Variants in BCL2L1 observed in about 807,000 individuals in gnomAD.
BCL2L1 encodes bcl-2-like protein 1.
A neutral mutation model predicts 18.7 loss-of-function variants in BCL2L1; 1 was observed. The ratio of observed to expected loss-of-function variants is 0.05; its 90% CI spans 0.02 to 0.25. The LOEUF is 0.25. Ranked by LOEUF, BCL2L1 falls within the 10% of genes least tolerant of loss-of-function variation. The pLI, the probability that BCL2L1 is intolerant of heterozygous loss-of-function variation, is 1.00. For synonymous variants in BCL2L1, 103 were observed against 122.7 expected (o/e 0.84, Z 1.06); for missense variants, 207 against 304.9 (o/e 0.68, Z 2.39).
chr20:31,682,092 G>A (rs549730572), intron 2 of BCL2L1, among the ~76,000 whole-genome samples: 124 of 152,370 alleles, frequency 8.1e-4, no homozygotes, highest in African/African-American at 2.7e-3. Flanking sequence ...CAGAGCTGCC[G>A]TTGTCCAGGG....
intron 2 of BCL2L1, among the ~76,000 whole-genome samples, chr20:31,689,833 T>C (rs2061030187): frequency 6.6e-6 from 1 of 152,000 alleles, no homozygotes. Context: ...CTGACCAACA[T>C]GGAGAAATCC....
rs915000748 is a variant in BCL2L1 at position 31,695,135 on chromosome 20, C to CT, written c.564+26519dup. Among the ~76,000 whole-genome samples, 13 of 152,224 alleles carry CT rather than the reference C, an allele frequency of 8.5e-5. 1 individual carries two copies. The highest frequency in any genetic ancestry group is 3.1e-4 in the African/African-American group (13 of 41,454). ...CCAACCTTCAAATTGTATTGAAGCT[C>CT]TGACCACTGCTCGCCACTTCCACCA... On this transcript the variant is annotated intron_variant, in intron 2 of 2. Transcript: ENST00000307677.
chr20:31,719,786 C>A (rs767778069), intron 2 of BCL2L1, among the ~76,000 whole-genome samples: 1 of 152,186 alleles, frequency 6.6e-6, no homozygotes. Context: ...AGACCAGGCA[C>A]CTCTCCCAGA....
At chr20:31,691,590 C>T (rs564575483) in intron 2 of BCL2L1, among the ~76,000 whole-genome samples, 3 of 149,848 alleles carry the variant, frequency 2.0e-5, no homozygotes, top group East Asian at 1.9e-4. Flanking sequence ...TGGTGGCGCC[C>T]GGCGAACAAA....
At chr20:31,674,874 C>CAAAA (rs11372425) in intron 2 of BCL2L1, among the ~76,000 whole-genome samples, 2 of 74,750 alleles carry the variant, frequency 2.7e-5, no homozygotes, top group African/African-American at 4.2e-5. Flanking sequence ...GACCCCGTCT[C>CAAAA]AAAAAAAAAA....
In BCL2L1 at chr20:31,682,978, T is replaced by G. The variant is rs571255022; in HGVS notation, c.565-16892A>C. 3.9e-5 allele frequency among the ~76,000 whole-genome samples: 6 copies of G among 152,224 alleles called. No individual in the cohort carries two copies. The South Asian group carries it at 8.3e-4, about 21-fold the overall frequency. Reference sequence around the variant, plus strand: ...ACTGCTATTATTTGGTCCAAGCCAGTATCATTTCTTGCCTGTATTGTCCTA... The same window carrying G: ...ACTGCTATTATTTGGTCCAAGCCAGGATCATTTCTTGCCTGTATTGTCCTA... On this transcript the variant is annotated intron_variant, in intron 2 of 2. Coordinates refer to ENST00000307677, the MANE Select transcript of BCL2L1 (RefSeq NM_138578.3).
In BCL2L1 at chr20:31,689,032, C is replaced by A. The variant is rs1029506606; in HGVS notation, c.565-22946G>T. Reference sequence around the variant, plus strand: ...AGGATCCATGATGAGGTTCCTCTATCCTCTGGGTTAAGTCTGTCCAGGTAA... The same window carrying A: ...AGGATCCATGATGAGGTTCCTCTATACTCTGGGTTAAGTCTGTCCAGGTAA... On this transcript the variant is annotated intron_variant, in intron 2 of 2. Coordinates refer to ENST00000307677, the MANE Select transcript of BCL2L1 (RefSeq NM_138578.3). 5.9e-5 allele frequency among the ~76,000 whole-genome samples: 9 copies of A among 151,626 alleles called. No homozygotes were observed. The South Asian group carries it at 6.3e-4, about 11-fold the overall frequency.
At chr20:31,704,772 G>A (rs369413515) in intron 2 of BCL2L1, among the ~76,000 whole-genome samples, 14 of 152,280 alleles carry the variant, frequency 9.2e-5, no homozygotes, top group South Asian at 6.2e-4. Flanking sequence ...CCAATCTTCC[G>A]TTTACACAGG....
At position 31,665,872 on chromosome 20, in the gene BCL2L1, T is replaced by C; in HGVS notation, c.*77A>G. The C allele has an allele frequency of 6.4e-7, 1 of 1,562,144 alleles. No homozygotes were observed. Among genetic ancestry groups the C allele is most frequent in the African/African-American group, 1.3e-5 (1 of 74,118 alleles). On this transcript the variant is annotated 3_prime_UTR_variant, in exon 3 of 3. Coordinates refer to ENST00000307677, the MANE Select transcript of BCL2L1 (RefSeq NM_138578.3). ...GGGCTGCATGTAGTGGTTCTCCTGG[T>C]GGCAATGGCGGCTGGACGGAGGATG...
chr20:31,695,439 T>A (rs1306723974), intron 2 of BCL2L1, among the ~76,000 whole-genome samples: 1 of 152,258 alleles, frequency 6.6e-6, no homozygotes, highest in Non-Finnish European at 1.5e-5. Context: ...ACTTTAAATA[T>A]GTTGGAGAGT....
rs1305403228 is a variant in BCL2L1 at position 31,665,659 on chromosome 20, C to T, written c.*290G>A. 1.1e-5 allele frequency: 5 copies of T among 467,928 alleles called. No homozygotes were observed. Among genetic ancestry groups the T allele is most frequent in the African/African-American group, 2.0e-5 (1 of 50,656 alleles). The allele number at this position is 467,928 out of a possible 1,614,324, so 29.0% of individuals were successfully genotyped here. Reference sequence around the variant, plus strand: ...AAGGGTTGCACCAATCAGGTAGGGCCCTCCTGCCCCCAGCCACAAACCCTT... The same window carrying T: ...AAGGGTTGCACCAATCAGGTAGGGCTCTCCTGCCCCCAGCCACAAACCCTT... On this transcript the variant is annotated 3_prime_UTR_variant, in exon 3 of 3. Transcript: ENST00000307677.
chr20:31,675,367 A>C (rs2060742251), intron 2 of BCL2L1, among the ~76,000 whole-genome samples: 1 of 152,168 alleles, frequency 6.6e-6, no homozygotes, highest in Non-Finnish European at 1.5e-5. Flanking sequence ...AGTTTCCCTG[A>C]GGGAGAGGCT....
chr20:31,696,824 G>C (rs1486592123), intron 2 of BCL2L1, among the ~76,000 whole-genome samples: 1 of 152,118 alleles, frequency 6.6e-6, no homozygotes, highest in Non-Finnish European at 1.5e-5. Context: ...GGGAAGCCGA[G>C]GCGGGTGGAT....
chr20:31,666,134 T>C lies in BCL2L1; in HGVS notation c.565-48A>G, dbSNP rs112926293. 3.3e-4 allele frequency: 526 copies of C among 1,604,676 alleles called. 4 individuals are homozygous for C. The African/African-American group carries it at 6.1e-3, about 18-fold the overall frequency. On this transcript the variant is annotated intron_variant, in intron 2 of 2. Transcript: ENST00000307677. ...TGCAGTTTTAGTCCTCAGAGAGTGATGTAGGTGGGTGGGGAAAGGGGCCAT... is the reference window on the plus strand; with the variant it reads ...TGCAGTTTTAGTCCTCAGAGAGTGACGTAGGTGGGTGGGGAAAGGGGCCAT...
At chr20:31,723,815 C>T (rs924223577), upstream of BCL2L1, 49 of 985,328 alleles carry the variant, frequency 5.0e-5, no homozygotes, top group Non-Finnish European at 5.5e-5. Flanking sequence ...TCTTCGCGGC[C>T]GAGTTCCGCG....
chr20:31,693,433 G>GT (rs2061116792), intron 2 of BCL2L1, among the ~76,000 whole-genome samples: 1 of 152,004 alleles, frequency 6.6e-6, no homozygotes, highest in African/African-American at 2.4e-5. Flanking sequence ...GGTTGACATG[G>GT]TAAGATATCA....
intron 2 of BCL2L1, among the ~76,000 whole-genome samples, chr20:31,676,870 C>G (rs1168214469): frequency 1.3e-5 from 2 of 152,184 alleles, no homozygotes; most frequent in Admixed American, 1.3e-4. Flanking sequence ...GACATTTCAT[C>G]TTCGGACAGC....
chr20:31,705,195 C>T, intron 2 of BCL2L1, among the ~76,000 whole-genome samples: 1 of 152,120 alleles, frequency 6.6e-6, no homozygotes, highest in South Asian at 2.1e-4. Context: ...AGAGAACCTA[C>T]CTGAGTGGTA....
chr20:31,666,794 C>T (rs2060595491), intron 2 of BCL2L1, among the ~76,000 whole-genome samples: 2 of 152,108 alleles, frequency 1.3e-5, no homozygotes, highest in Admixed American at 6.5e-5. Context: ...TCCCGGACAT[C>T]CTCCACTGCA....
Sources: gnomAD v4.1 joint callset for allele counts (sites outside exome capture counted in the v4.1 genomes callset) on GRCh38, gnomAD v4.1.1 for gene constraint, MANE v1.5 for transcripts, NCBI Gene and HGNC (gene_info 2026-07-23, HGNC 2026-07-21) for gene names.